Variants in UGT2B7 observed in about 807,000 individuals in gnomAD.
The protein encoded by UGT2B7 is UDP glucuronosyltransferase family 2 member B7, also known as UDP-glucuronosyltransferase 2B7.
A neutral mutation model predicts 51.9 loss-of-function variants in UGT2B7; 51 were observed. That is an observed-to-expected ratio of 0.98 (90% CI 0.78 to 1.24). The LOEUF (loss-of-function observed/expected upper bound fraction) is 1.24. Among genes scored for constraint, UGT2B7 ranks in the 50% most tolerant of loss-of-function variants. UGT2B7 has a pLI of 0.00. For synonymous variants in UGT2B7, 225 were observed against 211.6 expected (o/e 1.06, Z -0.55); for missense variants, 727 against 628.4 (o/e 1.16, Z -1.68).
intron 1 of UGT2B7, among the ~76,000 whole-genome samples, chr4:69,067,944 T>C (rs1718517098): frequency 6.6e-6 from 1 of 152,062 alleles, no homozygotes; most frequent in South Asian, 2.1e-4. Context: ...TAAATATTAT[T>C]ACAGTACTGA....
chr4:69,088,047 T>C (rs528918783), intron 1 of UGT2B7, among the ~76,000 whole-genome samples: 1 of 152,132 alleles, frequency 6.6e-6, no homozygotes, highest in South Asian at 2.1e-4. Context: ...TTATCTCCTT[T>C]AAGAACTCCT....
chr4:69,101,571 G>A (rs60394168), intron 2 of UGT2B7, among the ~76,000 whole-genome samples: 3,509 of 151,906 alleles, frequency 0.023, 137 homozygotes, highest in African/African-American at 0.08. Context: ...GCAATCACAC[G>A]CAATACCTAG....
intron 1 of UGT2B7, among the ~76,000 whole-genome samples, chr4:69,074,009 G>A (rs1244793912): frequency 6.6e-6 from 1 of 151,830 alleles, no homozygotes; most frequent in Non-Finnish European, 1.5e-5. Flanking sequence ...TTTTATATTA[G>A]TGACTCTTCC....
chr4:69,060,776 CTT>C (rs1485320703), intron 1 of UGT2B7, among the ~76,000 whole-genome samples: 22 of 152,316 alleles, frequency 1.4e-4, no homozygotes, highest in Non-Finnish European at 2.8e-4. Context: ...TCAGTTATAA[CTT>C]TGATGGACCA....
intron 1 of UGT2B7, among the ~76,000 whole-genome samples, chr4:69,055,638 C>T (rs985728504): frequency 9.2e-5 from 14 of 152,116 alleles, no homozygotes; most frequent in African/African-American, 2.4e-4. Context: ...ACACATAGCC[C>T]AGTCTCTACA....
chr4:69,077,536 C>T (rs1243418011), intron 1 of UGT2B7, among the ~76,000 whole-genome samples: 2 of 151,250 alleles, frequency 1.3e-5, no homozygotes, highest in Admixed American at 6.6e-5. Context: ...ATTTTATTCT[C>T]TTTGTGTCAA....
At chr4:69,111,125 G>T (rs151204251) in intron 5 of UGT2B7, among the ~76,000 whole-genome samples, 1 of 152,218 alleles carries the variant, frequency 6.6e-6, no homozygotes, top group Non-Finnish European at 1.5e-5. Flanking sequence ...AAAAAAATGT[G>T]TAAGGTACTA....
chr4:69,087,761 C>G (rs1254261522), intron 1 of UGT2B7, among the ~76,000 whole-genome samples: 2 of 151,704 alleles, frequency 1.3e-5, no homozygotes, highest in African/African-American at 4.8e-5. Context: ...TTATTGTCTT[C>G]TTGCTCACAA....
intron 1 of UGT2B7, among the ~76,000 whole-genome samples, chr4:69,079,861 T>G (rs1175015536): frequency 7.8e-6 from 1 of 128,578 alleles, no homozygotes; most frequent in Non-Finnish European, 1.6e-5. Context: ...CCAATTTTTG[T>G]TTTTTTTTTA....
intron 5 of UGT2B7, among the ~76,000 whole-genome samples, chr4:69,112,203 T>A (rs994938588): frequency 6.6e-6 from 1 of 152,180 alleles, no homozygotes; most frequent in Non-Finnish European, 1.5e-5. Flanking sequence ...TCCATTCTGA[T>A]TACTGGTGCA....
chr4:69,064,204 G>A (rs1476279746), intron 1 of UGT2B7, among the ~76,000 whole-genome samples: 2 of 152,010 alleles, frequency 1.3e-5, no homozygotes, highest in Admixed American at 1.3e-4. Flanking sequence ...CGCAGCAACG[G>A]GTGCAGCCCA....
intron 1 of UGT2B7, among the ~76,000 whole-genome samples, chr4:69,069,422 C>G (rs1371719242): frequency 6.6e-6 from 1 of 151,950 alleles, no homozygotes; most frequent in African/African-American, 2.4e-5. Flanking sequence ...GCTACAAACA[C>G]TTGTTCTCTC....
intron 1 of UGT2B7, among the ~76,000 whole-genome samples, chr4:69,078,167 A>G (rs1718757762): frequency 6.6e-6 from 1 of 152,038 alleles, no homozygotes; most frequent in African/African-American, 2.4e-5. Context: ...CATGGTGGAT[A>G]AGCTTTTTGA....
chr4:69,081,680 T>G (rs4587017), intron 1 of UGT2B7, among the ~76,000 whole-genome samples: 94,997 of 151,876 alleles, frequency 0.63, 31,184 homozygotes, highest in African/African-American at 0.81. Context: ...TCTGTCTAGA[T>G]TCTACCAAAG....
Position 69,096,534 on chromosome 4 carries a change from G to A in UGT2B7, c.14G>A (p.Trp5Ter), listed in dbSNP as rs754985186. The change falls in exon 1 of 6, where the codon TGG becomes TAG. Residue 5 changes from tryptophan (W) to a stop codon, truncating the protein, a stop_gained. Transcript: ENST00000305231. LOFTEE classifies it high-confidence loss of function. Reference sequence around the variant, plus strand: ...CATTGCACCAGGATGTCTGTGAAATGGACTTCAGTAATTTTGCTAATACAA... The same window carrying A: ...CATTGCACCAGGATGTCTGTGAAATAGACTTCAGTAATTTTGCTAATACAA... MSVK[W>*]TSVILLIQLS... is the part of the protein sequence containing the mutation. 31 of 1,613,768 alleles carry A rather than the reference G, an allele frequency of 1.9e-5. No individual in the cohort carries two copies. The highest frequency in any genetic ancestry group is 2.5e-5 in the Non-Finnish European group (30 of 1,179,836).
At chr4:69,099,464 T>C (rs1433568800) in intron 2 of UGT2B7, among the ~76,000 whole-genome samples, 1 of 151,974 alleles carries the variant, frequency 6.6e-6, no homozygotes, top group Non-Finnish European at 1.5e-5. Context: ...AAAGATTCTC[T>C]TTTTAAAGGA....
chr4:69,054,886 C>T (rs528729951), intron 1 of UGT2B7, among the ~76,000 whole-genome samples: 2 of 151,926 alleles, frequency 1.3e-5, no homozygotes, highest in African/African-American at 4.8e-5. Context: ...TACATCAAGT[C>T]ACTGAGGTAG....
chr4:69,109,350 A>G (rs1428399468), intron 5 of UGT2B7, among the ~76,000 whole-genome samples: 1 of 152,146 alleles, frequency 6.6e-6, no homozygotes, highest in Non-Finnish European at 1.5e-5. Flanking sequence ...CATGACTACC[A>G]CCAGCAGTAC....
At chr4:69,063,297 C>T (rs534542543) in intron 1 of UGT2B7, among the ~76,000 whole-genome samples, 6 of 117,110 alleles carry the variant, frequency 5.1e-5, no homozygotes, top group African/African-American at 7.0e-5. Context: ...CCAGCCTGGG[C>T]GACAGAGCGA....
Sources: gnomAD v4.1 joint callset for allele counts (sites outside exome capture counted in the v4.1 genomes callset) on GRCh38, gnomAD v4.1.1 for gene constraint, MANE v1.5 for transcripts, NCBI Gene and HGNC (gene_info 2026-07-23, HGNC 2026-07-21) for gene names.